The following TRABD variants were observed in gnomAD, a reference collection of about 807,000 sequenced individuals.
TRABD encodes the protein traB domain-containing protein.
Under a neutral mutation model 39.6 loss-of-function variants are expected in TRABD, and 23 were observed. The ratio of observed to expected loss-of-function variants is 0.58; its 90% CI spans 0.42 to 0.82. TRABD has a LOEUF of 0.82. Among genes scored for constraint, TRABD ranks in the 40% least tolerant of loss-of-function variants. TRABD has a pLI of 0.00. For synonymous variants in TRABD, 243 were observed against 232.1 expected (o/e 1.05, Z -0.43); for missense variants, 487 against 544.9 (o/e 0.89, Z 1.06).
chr22:50,190,430 C>T (rs886866479), intron 1 of TRABD, among the ~76,000 whole-genome samples: 14 of 152,166 alleles, frequency 9.2e-5, no homozygotes, highest in African/African-American at 7.2e-5. Context: ...TACCCTAGGC[C>T]GGCCTCAGAG....
At position 50,190,919 on chromosome 22, in the gene TRABD, C is replaced by T. The variant is rs768956390; in HGVS notation, c.-34-2108C>T. Among the ~76,000 whole-genome samples the T allele has an allele frequency of 5.9e-5, 9 of 152,360 alleles. No homozygotes were observed. The South Asian group carries it at 1.2e-3, about 21-fold the overall frequency. The stretch of plus-strand genomic sequence containing the variant: ...AGCTGCACTTCCTGGATGTGCCAAC[C>T]GCTAAGACGCCCAGGCCAGGGTTGG... On this transcript the variant is annotated intron_variant, in intron 1 of 9. Transcript: ENST00000380909.
chr22:50,195,679 ATC>A, intron 5 of TRABD, among the ~76,000 whole-genome samples: 1 of 151,942 alleles, frequency 6.6e-6, no homozygotes, highest in East Asian at 1.9e-4. Context: ...GCCCAGGTTC[ATC>A]TCAAACTCCT....
Position 50,194,558 on chromosome 22 carries a change from T to C in TRABD, c.279+52T>C, listed in dbSNP as rs765085585. On this transcript the variant is annotated intron_variant, in intron 4 of 9. Coordinates refer to ENST00000380909, the MANE Select transcript of TRABD (RefSeq NM_001320485.2). ...GGACACGGGTTGGTGTAAGCTCCTGTGTCCTGCACTCAGGGACCTCCCGGC... is the reference window on the plus strand; with the variant it reads ...GGACACGGGTTGGTGTAAGCTCCTGCGTCCTGCACTCAGGGACCTCCCGGC... 3 of 1,550,876 alleles carry C rather than the reference T, an allele frequency of 1.9e-6. No individual in the cohort carries two copies. In the South Asian group the frequency reaches 3.6e-5, roughly 18 times the overall value.
In TRABD at chr22:50,188,543, G is replaced by A. The variant is rs576480911; in HGVS notation, c.-35+2567G>A. On this transcript the variant is annotated intron_variant, in intron 1 of 9. Coordinates refer to ENST00000380909, the MANE Select transcript of TRABD (RefSeq NM_001320485.2). ...TGGCTTGTAGACGGGCCCCCGCGGC[G>A]TCCTTACCCGGGGGAGCAAGAGCTG... Among the ~76,000 whole-genome samples the A allele has an allele frequency of 1.2e-4, 19 of 152,322 alleles. No homozygotes were observed. The South Asian group carries it at 3.3e-3, about 27-fold the overall frequency.
chr22:50,190,805 C>T (rs1005522814), intron 1 of TRABD, among the ~76,000 whole-genome samples: 12 of 152,220 alleles, frequency 7.9e-5, no homozygotes, highest in African/African-American at 2.4e-4. Flanking sequence ...CGGTGGGTTC[C>T]GGTCGGGTTG....
At chr22:50,187,752 G>A (rs1205125959) in intron 1 of TRABD, among the ~76,000 whole-genome samples, 2 of 152,176 alleles carry the variant, frequency 1.3e-5, no homozygotes, top group African/African-American at 4.8e-5. Context: ...GGCCGAGGCG[G>A]GCAGATCACG....
chr22:50,194,584 AGGGCCCGT>A, intron 4 of TRABD, 78 bp downstream of exon 4: 2 of 1,539,804 alleles, frequency 1.3e-6, no homozygotes, highest in Non-Finnish European at 1.8e-6. Flanking sequence ...ACCTCCCGGC[AGGGCCCGT>A]GTGCCCGTGT....
intron 5 of TRABD, 99 bp from the exon 6 acceptor site, chr22:50,197,142 G>A: frequency 8.1e-7 from 1 of 1,229,278 alleles, no homozygotes; most frequent in Non-Finnish European, 1.2e-6. Flanking sequence ...GCTGGGGCAG[G>A]GCTCTGCGCT....
Position 50,198,428 on chromosome 22 carries a change from A to G in TRABD, c.1040A>G (p.Tyr347Cys), listed in dbSNP as rs1367625972. Residue 347 changes from tyrosine (Y) to cysteine (C), a missense_variant, in exon 10 of 10, where the codon TAC becomes TGC. By Grantham distance (194) the Tyr-to-Cys change is radical (BLOSUM62 -2). Transcript: ENST00000380909. The surrounding 1 kb of genome is among the most constrained non-coding windows in gnomAD (Gnocchi z 7.9). ...TTCGGCCTGCTGGGCTACAGCCTGT[A>G]CTGGATGGGCCGCCGCACCGCGAGC... ...AFFGLLGYSL[Y>C]WMGRRTASLV... 1 of 1,596,174 alleles carries G rather than the reference A, an allele frequency of 6.3e-7. No individual in the cohort carries two copies. The highest frequency in any genetic ancestry group is 1.3e-5 in the African/African-American group (1 of 74,714).
At chr22:50,193,513 C>G in intron 2 of TRABD, 63 bp from the exon 3 acceptor site, 1 of 1,517,546 alleles carries the variant, frequency 6.6e-7, no homozygotes, top group Non-Finnish European at 9.1e-7. Flanking sequence ...CGTGGAGTTG[C>G]CACGGAGCCC....
chr22:50,189,648 G>A (rs768439403), intron 1 of TRABD, among the ~76,000 whole-genome samples: 13 of 152,370 alleles, frequency 8.5e-5, no homozygotes, highest in South Asian at 4.1e-4. Context: ...GGGCCTGAGC[G>A]TATCTGAAAA....
chr22:50,193,978 G>A (rs889593398), intron 3 of TRABD, among the ~76,000 whole-genome samples: 1 of 151,438 alleles, frequency 6.6e-6, no homozygotes, highest in African/African-American at 2.4e-5. Context: ...GAGTGGGGTG[G>A]GGGGGCCCAT....
intron 1 of TRABD, among the ~76,000 whole-genome samples, chr22:50,188,810 G>T (rs1569077071): frequency 6.6e-6 from 1 of 152,180 alleles, no homozygotes. Flanking sequence ...AAGCCCTGCG[G>T]GACATTTCGG....
At chr22:50,186,834 C>A (rs2063772369) in intron 1 of TRABD, among the ~76,000 whole-genome samples, 1 of 152,250 alleles carries the variant, frequency 6.6e-6, no homozygotes, top group African/African-American at 2.4e-5. Flanking sequence ...ACTGAGCTAT[C>A]ATGAAGCTGC....
At chr22:50,186,995 C>T (rs148318116) in intron 1 of TRABD, among the ~76,000 whole-genome samples, 2 of 152,234 alleles carry the variant, frequency 1.3e-5, no homozygotes, top group Non-Finnish European at 2.9e-5. Context: ...AGCCTCCTAG[C>T]TTTCAGGTCC....
In TRABD at chr22:50,194,513, G is replaced by A. The variant is rs369761320; in HGVS notation, c.279+7G>A. On this transcript the variant is annotated splice_region_variant and intron_variant, in intron 4 of 9. Transcript: ENST00000380909. ...CAAGAGGGACGTTGTGAAGGTGAGC[G>A]CCGCCACCCGCCACATCCCGGACAC... The A allele has an allele frequency of 1.1e-4, 176 of 1,550,078 alleles. No individual in the cohort carries two copies. Among genetic ancestry groups the A allele is most frequent in the Non-Finnish European group, 1.4e-4 (162 of 1,146,938 alleles).
Position 50,193,030 on chromosome 22 carries a change from C to G in TRABD, c.-31C>G. 1 of 1,543,792 alleles carries G rather than the reference C, an allele frequency of 6.5e-7. No individual in the cohort carries two copies. Among genetic ancestry groups the G allele is most frequent in the East Asian group, 2.4e-5 (1 of 40,970 alleles). ...CGCCTCTCATGCCTCTCCTCAGGCT[C>G]CCCACAGGTGCAGGAAGCCGCCGCC... On this transcript the variant is annotated 5_prime_UTR_variant, in exon 2 of 10. Coordinates refer to ENST00000380909, the MANE Select transcript of TRABD (RefSeq NM_001320485.2).
chr22:50,198,554 G>A lies in TRABD; in HGVS notation c.*35G>A. 2 of 1,479,178 alleles carry A rather than the reference G, an allele frequency of 1.4e-6. No individual in the cohort carries two copies. Among genetic ancestry groups the A allele is most frequent in the Non-Finnish European group, 1.8e-6 (2 of 1,119,122 alleles). 91.6% of individuals were successfully genotyped at this position (1,479,178 alleles called of 1,614,324 possible). A position where few individuals can be genotyped will look rare whatever the true frequency, so the allele number is the denominator to read the frequency against. On this transcript the variant is annotated 3_prime_UTR_variant, in exon 10 of 10. Transcript: ENST00000380909. This position sits in a 1 kb window ranked among gnomAD's most constrained non-coding sequence, Gnocchi z 7.9. ...CCCCGCCCGCTCGGGCCCCTGAGGA[G>A]CCAGTGCCCCCGCGGCACTTCTGGG...
At chr22:50,190,103 G>C (rs2063856990) in intron 1 of TRABD, among the ~76,000 whole-genome samples, 1 of 152,166 alleles carries the variant, frequency 6.6e-6, no homozygotes, top group African/African-American at 2.4e-5. Context: ...AGAGAGTGTT[G>C]AGACTGTAAG....
Sources: gnomAD v4.1 joint callset for allele counts (sites outside exome capture counted in the v4.1 genomes callset) on GRCh38, gnomAD v4.1.1 for gene constraint, Gnocchi (gnomAD v3.1) non-coding constraint, MANE v1.5 for transcripts, NCBI Gene and HGNC (gene_info 2026-07-23, HGNC 2026-07-21) for gene names.